The following C19orf44 variants were observed in gnomAD, a reference collection of about 807,000 sequenced individuals.
C19orf44 encodes uncharacterized protein C19orf44.
Under a neutral mutation model 50.7 loss-of-function variants are expected in C19orf44, and 43 were observed. The ratio of observed to expected loss-of-function variants is 0.85; its 90% confidence interval spans 0.66 to 1.09. The LOEUF (loss-of-function observed/expected upper bound fraction) is 1.09, where lower values mean the gene tolerates loss of function less well. C19orf44 is among the 50% of genes least tolerant of loss of function. The pLI, the probability that C19orf44 is intolerant of heterozygous loss-of-function variation, is 0.00. For synonymous variants in C19orf44, 298 were observed against 334.7 expected, an observed-to-expected ratio of 0.89 and a Z score of 1.20; for missense variants, 722 against 836.2, an observed-to-expected ratio of 0.86 and a Z score of 1.68.
In C19orf44 at chr19:16,503,165, G is replaced by C; in HGVS notation, c.860G>C (p.Arg287Thr). ...CTGCCAACCTCCCTGGCAGCAGACAGAACCCTTCACAGCACTCGCTCAAGA... is the reference window on the plus strand; with the variant it reads ...CTGCCAACCTCCCTGGCAGCAGACACAACCCTTCACAGCACTCGCTCAAGA... ...SHLPTSLAADRTLHSTRSRAD... is the reference protein window; with the variant it reads ...SHLPTSLAADTTLHSTRSRAD... The change falls in exon 3 of 9, where the codon AGA (arginine) becomes ACA (threonine). Residue 287 changes from arginine to threonine, a missense_variant. Coordinates refer to ENST00000221671, the MANE Select transcript of C19orf44 (RefSeq NM_032207.4). 1.2e-6 allele frequency: 2 copies of C among 1,614,128 alleles called. No homozygotes were observed. Among genetic ancestry groups the C allele is most frequent in the Non-Finnish European group, 1.7e-6 (2 of 1,180,024 alleles).
At position 16,520,478 on chromosome 19, in the gene C19orf44, T is replaced by C; in HGVS notation, c.*425T>C. 1 of 1,614,012 alleles carries C rather than the reference T, an allele frequency of 6.2e-7. No homozygotes were observed. Among genetic ancestry groups the C allele is most frequent in the Admixed American group, 1.7e-5 (1 of 60,008 alleles). ...GCGGGAGGAAGAACGCCCTCGACTCTTGGATCTGCTCCGAGACCTCGAGGG... is the reference window on the plus strand; with the variant it reads ...GCGGGAGGAAGAACGCCCTCGACTCCTGGATCTGCTCCGAGACCTCGAGGG... On this transcript the variant is annotated 3_prime_UTR_variant, in exon 9 of 9. Coordinates refer to ENST00000221671, the MANE Select transcript of C19orf44 (RefSeq NM_032207.4). The surrounding 1 kb of genome is among the most constrained non-coding windows in gnomAD (Gnocchi z 4.0).
intron 3 of C19orf44, among the ~76,000 whole-genome samples, chr19:16,504,823 C>CTTT (rs201354846): frequency 7.2e-6 from 1 of 138,272 alleles, no homozygotes; most frequent in African/African-American, 2.7e-5. Flanking sequence ...TGAGGCTGGT[C>CTTT]TTTTTTTTTT....
Position 16,507,585 on chromosome 19 carries a change from G to A in C19orf44, c.1149+811G>A, listed in dbSNP as rs570391929. ...CGGCTCACTGCAACCTCCACCTCCC[G>A]GGTTCAAACGATTCTCCTGCCTCTG... On this transcript the variant is annotated intron_variant, in intron 4 of 8. Transcript: ENST00000221671. Among the ~76,000 whole-genome samples the A allele has an allele frequency of 7.9e-4, 117 of 148,814 alleles. No individual in the cohort carries two copies. In the East Asian group the frequency reaches 0.017, roughly 22 times the overall value.
chr19:16,508,222 A>G (rs2093445996), intron 4 of C19orf44, among the ~76,000 whole-genome samples: 1 of 152,118 alleles, frequency 6.6e-6, no homozygotes, highest in Non-Finnish European at 1.5e-5. Context: ...CTTGTGCCTC[A>G]GCCTCCTGAG....
chr19:16,517,339 A>T lies in C19orf44; in HGVS notation c.*38A>T. On this transcript the variant is annotated splice_region_variant and 3_prime_UTR_variant, in exon 8 of 9. Transcript: ENST00000221671. ...GGAGCTTGACGTGACGTCTTAACAAAAGGTATCCCGTCCTGTGTACTCAGT... is the reference window on the plus strand; with the variant it reads ...GGAGCTTGACGTGACGTCTTAACAATAGGTATCCCGTCCTGTGTACTCAGT... 6.3e-7 allele frequency: 1 copy of T among 1,587,730 alleles called. No homozygotes were observed. Among genetic ancestry groups the T allele is most frequent in the South Asian group, 1.1e-5 (1 of 90,038 alleles).
chr19:16,508,080 C>G (rs1430581031), intron 4 of C19orf44, among the ~76,000 whole-genome samples: 1 of 151,998 alleles, frequency 6.6e-6, no homozygotes, highest in Admixed American at 6.6e-5. Flanking sequence ...GCTGGGATTA[C>G]AGGCGTGAGC....
intron 4 of C19orf44, 130 bp downstream of exon 4, chr19:16,506,904 C>A: frequency 1.6e-6 from 1 of 626,658 alleles, no homozygotes; most frequent in Non-Finnish European, 2.7e-6. Flanking sequence ...TCAAACTGGG[C>A]TCAAGCAATC....
intron 5 of C19orf44, among the ~76,000 whole-genome samples, chr19:16,510,902 A>G (rs926523920): frequency 4.6e-5 from 7 of 151,900 alleles, no homozygotes; most frequent in African/African-American, 1.7e-4. Flanking sequence ...TGCCTGGCTA[A>G]TTTTTATATT....
At position 16,509,722 on chromosome 19, in the gene C19orf44, C is replaced by G; in HGVS notation, c.1373C>G (p.Ala458Gly). ...TCCAGCATGCAGCCACCATCTGAAG[C>G]CCCCATGGTGAACACAGTCAGCTCA... The part of the protein sequence containing the change: ...STSSMQPPSE[A>G]PMVNTVSSAY... The change falls in exon 5 of 9, where the codon GCC (alanine) becomes GGC (glycine). Residue 458 changes from alanine (A) to glycine (G), a missense_variant. Physicochemically the swap from Ala to Gly is moderately conservative, Grantham distance 60. Coordinates refer to ENST00000221671, the MANE Select transcript of C19orf44 (RefSeq NM_032207.4). The G allele has an allele frequency of 6.2e-7, 1 of 1,614,232 alleles. No homozygotes were observed. The highest frequency in any genetic ancestry group is 8.5e-7 in the Non-Finnish European group (1 of 1,180,044).
At chr19:16,499,443 C>A (rs555935394) in intron 1 of C19orf44, 1 of 151,594 alleles carries the variant, frequency 6.6e-6, no homozygotes, top group African/African-American at 2.4e-5. Context: ...CCCGCCACCA[C>A]GCCCGGCTAA....
intron 3 of C19orf44, 51 bp from the exon 4 acceptor site, chr19:16,506,650 G>C: frequency 8.4e-7 from 1 of 1,187,628 alleles, no homozygotes; most frequent in African/African-American, 1.6e-5. Flanking sequence ...AAAATTTATG[G>C]AGTAAATAAG....
Position 16,496,435 on chromosome 19 carries a change from C to T in C19orf44, c.-32C>T, listed in dbSNP as rs2093409314. 6 of 389,732 alleles carry T rather than the reference C, an allele frequency of 1.5e-5. No individual in the cohort carries two copies. In the South Asian group the frequency reaches 1.6e-4, roughly 10 times the overall value. 24.1% of individuals were successfully genotyped at this position (389,732 alleles called of 1,614,324 possible). A position where few individuals can be genotyped will look rare whatever the true frequency, so the allele number is the denominator to read the frequency against. On this transcript the variant is annotated 5_prime_UTR_variant, in exon 1 of 9. Coordinates refer to ENST00000221671, the MANE Select transcript of C19orf44 (RefSeq NM_032207.4). Reference sequence around the variant, plus strand: ...GCTCCTTCAGGCGTGAATGTGGCGGCTGCCTCTGCGAATGGACGGCGTGGG... The same window carrying T: ...GCTCCTTCAGGCGTGAATGTGGCGGTTGCCTCTGCGAATGGACGGCGTGGG...
chr19:16,519,106 A>G lies in C19orf44; in HGVS notation c.*41-988A>G. 6.6e-7 allele frequency: 1 copy of G among 1,510,426 alleles called. No individual in the cohort carries two copies. The highest frequency in any genetic ancestry group is 9.0e-7 in the Non-Finnish European group (1 of 1,105,786). The allele number at this position is 1,510,426 out of a possible 1,614,324, so 93.6% of individuals were successfully genotyped here. On this transcript the variant is annotated intron_variant, in intron 8 of 8. Coordinates refer to ENST00000221671, the MANE Select transcript of C19orf44 (RefSeq NM_032207.4). This position sits in a 1 kb window ranked among gnomAD's most constrained non-coding sequence, Gnocchi z 6.0. ...AATCTTCCTCTGCCAGTCAGCCAGG[A>G]AGGTCCCACAGCCGGCACCGCTGGC...
In C19orf44 at chr19:16,521,139, C is replaced by T. The variant is rs1054448911; in HGVS notation, c.*1086C>T. The stretch of plus-strand genomic sequence containing the variant: ...ACGCCCTTGCCACCCTGCTGTTCCG[C>T]TGAGGTGGTGGGGACCCATGGTCTG... On this transcript the variant is annotated 3_prime_UTR_variant, in exon 9 of 9. Transcript: ENST00000221671. The T allele has an allele frequency of 1.7e-6, 1 of 599,258 alleles. No homozygotes were observed. The highest frequency in any genetic ancestry group is 2.8e-5 in the Admixed American group (1 of 35,200). The allele number at this position is 599,258 out of a possible 1,614,324, so 37.1% of individuals were successfully genotyped here.
chr19:16,510,723 A>G (rs1414441728), intron 5 of C19orf44, among the ~76,000 whole-genome samples: 1 of 151,674 alleles, frequency 6.6e-6, no homozygotes, highest in Non-Finnish European at 1.5e-5. Flanking sequence ...CTTTCCAGAT[A>G]TTTCTCTCTC....
chr19:16,496,545 G>A (rs1168121305), intron 1 of C19orf44, 80 bp downstream of exon 1: 5 of 297,448 alleles, frequency 1.7e-5, no homozygotes, highest in South Asian at 9.2e-5. Context: ...GGCCTTCTCC[G>A]GGGCTGAGCT....
chr19:16,513,075 C>A lies in C19orf44; in HGVS notation c.1701C>A (p.Ile567=), dbSNP rs148136760. The A allele has an allele frequency of 1.2e-6, 2 of 1,613,930 alleles. No homozygotes were observed. Among genetic ancestry groups the A allele is most frequent in the Non-Finnish European group, 1.7e-6 (2 of 1,180,032 alleles). The part of the protein sequence containing the change: ...LGGAYVDPTP[I]ANHVISADAI... ...GCGCCTACGTGGACCCGACACCCAT[C>A]GCCAATCATGTTATCAGTGCAGATG... Residue 567 remains isoleucine, a synonymous_variant, in exon 6 of 9, where the codon ATC becomes ATA. Transcript: ENST00000221671.
rs535825825 is a variant in C19orf44, at chr19:16,519,894, C to T, written c.*41-200C>T. 4.7e-5 allele frequency: 32 copies of T among 675,030 alleles called. No homozygotes were observed. Among genetic ancestry groups the T allele is most frequent in the African/African-American group, 1.4e-4 (8 of 55,936 alleles). The allele number at this position is 675,030 out of a possible 1,614,324, so 41.8% of individuals were successfully genotyped here. A position where few individuals can be genotyped will look rare whatever the true frequency, so the allele number is the denominator to read the frequency against. On this transcript the variant is annotated intron_variant, in intron 8 of 8. Transcript: ENST00000221671. The surrounding 1 kb of genome is among the most constrained non-coding windows in gnomAD (Gnocchi z 6.0). ...CTCAGCTAGATAAGGGGGCTCCAGA[C>T]GCTGGCCCCCACCCCACGCTCAGCA...
intron 6 of C19orf44, among the ~76,000 whole-genome samples, 177 bp from the exon 7 acceptor site, chr19:16,514,320 G>A (rs535458900): frequency 1.3e-5 from 2 of 151,720 alleles, no homozygotes; most frequent in African/African-American, 4.8e-5. Context: ...GGAGTTCGAG[G>A]CTGCAGTGCG....
Sources: allele counts gnomAD v4.1 joint callset (sites outside exome capture counted in the v4.1 genomes callset), GRCh38; gene constraint gnomAD v4.1.1; non-coding constraint Gnocchi (gnomAD v3.1); transcripts MANE v1.5; gene names NCBI Gene and HGNC (gene_info 2026-07-23, HGNC 2026-07-21).